Variants in DLG1 observed in about 807,000 individuals in gnomAD.
DLG1 encodes the protein discs large MAGUK scaffold protein 1.
Under a neutral mutation model 123.4 loss-of-function variants are expected in DLG1, and 42 were observed. The observed-to-expected ratio is 0.34, with a 90% CI of 0.27 to 0.44. The LOEUF (loss-of-function observed/expected upper bound fraction) is 0.44. Among genes scored for constraint, DLG1 ranks in the 20% least tolerant of loss-of-function variants. The probability of loss-of-function intolerance (pLI) is 1.00; values close to 1 mark genes in which losing one functional copy is unlikely to be tolerated. For missense variants in DLG1, 942 were observed against 1,082.6 expected, an observed-to-expected ratio of 0.87 and a Z score of 1.82; for synonymous variants, 317 against 356.2, an observed-to-expected ratio of 0.89 and a Z score of 1.24.
intron 5 of DLG1, among the ~76,000 whole-genome samples, chr3:197,160,781 T>C (rs1213717939): frequency 4.6e-5 from 7 of 152,152 alleles, no homozygotes; most frequent in Non-Finnish European, 8.8e-5. Flanking sequence ...ATGGAGCTTA[T>C]TTTGAAACTG....
chr3:197,289,688 G>C (rs1773877516), intron 3 of DLG1, among the ~76,000 whole-genome samples: 1 of 152,108 alleles, frequency 6.6e-6, no homozygotes, highest in African/African-American at 2.4e-5. Context: ...GACATACTAA[G>C]ATAATACCAC....
intron 18 of DLG1, among the ~76,000 whole-genome samples, chr3:197,074,900 A>G (rs1746227226): frequency 6.6e-6 from 1 of 152,108 alleles, no homozygotes; most frequent in Admixed American, 6.5e-5. Context: ...TTAGAAAGTT[A>G]AAAGATACTG....
intron 24 of DLG1, among the ~76,000 whole-genome samples, chr3:197,049,743 T>A (rs955868926): frequency 6.6e-6 from 1 of 151,448 alleles, no homozygotes; most frequent in African/African-American, 2.4e-5. Context: ...CAAAACTCCA[T>A]CTCCAAAAAC....
chr3:197,163,687 ATTTTTT>A (rs56865627), intron 5 of DLG1, among the ~76,000 whole-genome samples: 1,248 of 102,102 alleles, frequency 0.012, 13 homozygotes, highest in African/African-American at 0.029. Context: ...ATGCTCAGCT[ATTTTTT>A]TTTTTTTTTT....
chr3:197,136,093 G>C (rs76610213), intron 10 of DLG1, among the ~76,000 whole-genome samples: 6,306 of 152,182 alleles, frequency 0.041, 181 homozygotes, highest in Non-Finnish European at 0.054. Context: ...ATTACAGACA[G>C]GTGTGAGCCA....
chr3:197,143,507 C>T (rs967859329), intron 6 of DLG1, among the ~76,000 whole-genome samples: 8 of 152,126 alleles, frequency 5.3e-5, no homozygotes, highest in Admixed American at 3.9e-4. Context: ...CCACCCGCCT[C>T]GGCCTCCCAA....
chr3:197,133,658 G>C (rs1408679421), intron 10 of DLG1, among the ~76,000 whole-genome samples: 2 of 152,194 alleles, frequency 1.3e-5, no homozygotes, highest in African/African-American at 4.8e-5. Context: ...AAGAAACAGT[G>C]ACCTTGGGAG....
intron 4 of DLG1, among the ~76,000 whole-genome samples, chr3:197,256,169 AGAT>A (rs1466262416): frequency 1.3e-5 from 2 of 152,262 alleles, no homozygotes; most frequent in African/African-American, 4.8e-5. Context: ...CTTCTGCACT[AGAT>A]GAGAAGTTCA....
At position 197,210,484 on chromosome 3, in the gene DLG1, TA is replaced by T. The variant is rs541209151; in HGVS notation, c.319-15896del. 3.7e-4 allele frequency among the ~76,000 whole-genome samples: 53 copies of T among 144,234 alleles called. 1 individual carries two copies. In the East Asian group the frequency reaches 7.5e-3, roughly 20 times the overall value. The allele number at this position is 144,234 out of a possible 152,430, so 94.6% of individuals were successfully genotyped here. A position where few individuals can be genotyped will look rare whatever the true frequency, so the allele number is the denominator to read the frequency against. On this transcript the variant is annotated intron_variant, in intron 4 of 24. Transcript: ENST00000667157. ...AAACCTATAGATCTTATAAAGATAA[TA>T]AAAGATAATTATAAAAAACTTTAGG...
intron 5 of DLG1, among the ~76,000 whole-genome samples, chr3:197,154,442 G>A (rs757489826): frequency 6.6e-6 from 1 of 152,160 alleles, no homozygotes; most frequent in African/African-American, 2.4e-5. Context: ...TTGGGAGACT[G>A]AGGTGGGTGG....
intron 4 of DLG1, among the ~76,000 whole-genome samples, chr3:197,264,829 C>G (rs1761007563): frequency 6.6e-6 from 1 of 152,144 alleles, no homozygotes; most frequent in Non-Finnish European, 1.5e-5. Flanking sequence ...CTTCTGGTCC[C>G]AAGTATTTTG....
chr3:197,054,164 T>C (rs576122185), intron 23 of DLG1, among the ~76,000 whole-genome samples: 1 of 152,358 alleles, frequency 6.6e-6, no homozygotes, highest in African/African-American at 2.4e-5. Context: ...GGTAAGTTGC[T>C]GCTTTCAAGA....
intron 5 of DLG1, among the ~76,000 whole-genome samples, chr3:197,191,785 T>C (rs1371313665): frequency 6.6e-6 from 1 of 152,180 alleles, no homozygotes; most frequent in Non-Finnish European, 1.5e-5. Flanking sequence ...AAGTTAAACA[T>C]ATATTAAAAT....
chr3:197,099,339 T>C (rs1762257322), intron 14 of DLG1, among the ~76,000 whole-genome samples: 1 of 152,248 alleles, frequency 6.6e-6, no homozygotes. Flanking sequence ...TGCTAACCAC[T>C]ACACCTATTT....
chr3:197,157,540 TAAG>T (rs1796913443), intron 5 of DLG1, among the ~76,000 whole-genome samples: 1 of 152,046 alleles, frequency 6.6e-6, no homozygotes, highest in Non-Finnish European at 1.5e-5. Flanking sequence ...TGAAAGAAAT[TAAG>T]AAGACATAAA....
At chr3:197,292,575 A>C (rs144995602) in intron 3 of DLG1, among the ~76,000 whole-genome samples, 70 of 152,354 alleles carry the variant, frequency 4.6e-4, no homozygotes, top group African/African-American at 1.6e-3. Context: ...GTACATTTAA[A>C]GATGGTGAAG....
chr3:197,216,102 T>G (rs926311156), intron 4 of DLG1, among the ~76,000 whole-genome samples: 4 of 152,204 alleles, frequency 2.6e-5, no homozygotes, highest in Non-Finnish European at 4.4e-5. Context: ...TTTTAAAGAT[T>G]GCTTTTCCAA....
rs550799601 is a variant in DLG1 at position 197,152,379 on chromosome 3, C to T, written c.484-2583G>A. On this transcript the variant is annotated intron_variant, in intron 5 of 24. Coordinates refer to ENST00000667157, the MANE Select transcript of DLG1 (RefSeq NM_001366207.1). ...GTAGTTGTTTGATTTTCCATGTTACCTGTTCTACTACTCGCTGTCTTGGTT... is the reference window on the plus strand; with the variant it reads ...GTAGTTGTTTGATTTTCCATGTTACTTGTTCTACTACTCGCTGTCTTGGTT... 3.4e-5 allele frequency among the ~76,000 whole-genome samples: 5 copies of T among 148,784 alleles called. No homozygotes were observed. In the East Asian group the frequency reaches 9.8e-4, roughly 29 times the overall value.
At chr3:197,246,149 T>C (rs1006726470) in intron 4 of DLG1, among the ~76,000 whole-genome samples, 19 of 152,314 alleles carry the variant, frequency 1.2e-4, no homozygotes, top group Admixed American at 1.0e-3. Context: ...GCAGTCTTTC[T>C]GACTCGACTT....
Sources: gnomAD v4.1 joint callset for allele counts (sites outside exome capture counted in the v4.1 genomes callset) on GRCh38, gnomAD v4.1.1 for gene constraint, MANE v1.5 for transcripts, NCBI Gene and HGNC (gene_info 2026-07-23, HGNC 2026-07-21) for gene names.